HPCAL1: variants seen among roughly 807,000 people sequenced by gnomAD.
HPCAL1 encodes the protein hippocalcin-like protein 1.
Under a neutral mutation model 17.1 loss-of-function variants are expected in HPCAL1, and 8 were observed. The ratio of observed to expected loss-of-function variants is 0.47; its 90% CI spans 0.27 to 0.84. HPCAL1 has a LOEUF of 0.84. Ranked by LOEUF, HPCAL1 falls within the 40% of genes least tolerant of loss-of-function variation. The pLI is 0.13. For synonymous variants in HPCAL1, 112 were observed against 111.4 expected, an observed-to-expected ratio of 1.01 and a Z score of -0.03; for missense variants, 165 against 271.1, an observed-to-expected ratio of 0.61 and a Z score of 2.75.
chr2:10,314,538 A>T, intron 1 of HPCAL1, among the ~76,000 whole-genome samples: 1 of 152,180 alleles, frequency 6.6e-6, no homozygotes. Flanking sequence ...TAGGCTGTAG[A>T]TCGGGGGCCT....
At chr2:10,355,217 C>T (rs1666071290) in intron 1 of HPCAL1, among the ~76,000 whole-genome samples, 3 of 151,760 alleles carry the variant, frequency 2.0e-5, no homozygotes, top group Non-Finnish European at 2.9e-5. Context: ...TTTGGGAGGC[C>T]GAGGCGGGCG....
chr2:10,384,024 C>G lies in HPCAL1; in HGVS notation c.-110-12811C>G, dbSNP rs1490430036. On this transcript the variant is annotated intron_variant, in intron 1 of 4. Transcript: ENST00000307845. This position sits in a 1 kb window ranked among gnomAD's most constrained non-coding sequence, Gnocchi z 4.4. ...CATGCATATACATCGCGTACACACA[C>G]ACACCCACACACACACACACCTTTT... 5.9e-5 allele frequency among the ~76,000 whole-genome samples: 5 copies of G among 84,162 alleles called. No individual in the cohort carries two copies. The highest frequency in any genetic ancestry group is 3.0e-4 in the African/African-American group (5 of 16,794). The allele number at this position is 84,162 out of a possible 152,430, so 55.2% of individuals were successfully genotyped here. A position where few individuals can be genotyped will look rare whatever the true frequency, so the allele number is the denominator to read the frequency against.
chr2:10,397,301 G>A (rs1468290995), intron 2 of HPCAL1, among the ~76,000 whole-genome samples: 2 of 152,094 alleles, frequency 1.3e-5, no homozygotes, highest in Admixed American at 6.6e-5. Context: ...CTTAGTGTCC[G>A]GGTTTCTTTG....
chr2:10,373,945 A>G (rs548905543), intron 1 of HPCAL1, among the ~76,000 whole-genome samples: 4 of 152,262 alleles, frequency 2.6e-5, no homozygotes, highest in Admixed American at 1.3e-4. Context: ...TTTATGATGC[A>G]TTTGGGTCAG....
chr2:10,404,885 C>T (rs1003052686), intron 2 of HPCAL1, among the ~76,000 whole-genome samples: 14 of 152,140 alleles, frequency 9.2e-5, no homozygotes, highest in African/African-American at 3.4e-4. Context: ...GAGAAGGGCT[C>T]GCCAGGCAGT....
At chr2:10,374,238 C>T (rs1216987988) in intron 1 of HPCAL1, among the ~76,000 whole-genome samples, 1 of 151,724 alleles carries the variant, frequency 6.6e-6, no homozygotes. Context: ...GGACAACGGG[C>T]TGCATAAAAC....
At position 10,419,521 on chromosome 2, in the gene HPCAL1, C is replaced by G. The variant is rs550794312; in HGVS notation, c.-24-213C>G. 1.3e-5 allele frequency among the ~76,000 whole-genome samples: 2 copies of G among 151,964 alleles called. No homozygotes were observed. Among genetic ancestry groups the G allele is most frequent in the African/African-American group, 4.8e-5 (2 of 41,368 alleles). On this transcript the variant is annotated intron_variant, in intron 2 of 4. Transcript: ENST00000307845. This position sits in a 1 kb window ranked among gnomAD's most constrained non-coding sequence, Gnocchi z 5.0. ...CACATTCTCCAAGTGAGAACGTGTC[C>G]CGCAGTGTGAGGGTGAGCTGTCGTG... is the stretch of plus-strand genomic sequence containing the variant.
intron 1 of HPCAL1, among the ~76,000 whole-genome samples, chr2:10,335,195 A>T (rs1664643574): frequency 6.6e-6 from 1 of 152,180 alleles, no homozygotes; most frequent in Non-Finnish European, 1.5e-5. Flanking sequence ...CTTGATTCTA[A>T]CAAATAGAAC....
intron 1 of HPCAL1, among the ~76,000 whole-genome samples, chr2:10,341,998 GT>G (rs75605259): frequency 3.2e-3 from 455 of 141,668 alleles, no homozygotes; most frequent in Admixed American, 3.9e-3. Context: ...TCTAGATAAA[GT>G]TTTTTTTTTT....
chr2:10,412,491 C>A (rs1432063055), intron 2 of HPCAL1, among the ~76,000 whole-genome samples: 1 of 152,170 alleles, frequency 6.6e-6, no homozygotes, highest in African/African-American at 2.4e-5. Flanking sequence ...CAGGAAAGGG[C>A]GTGTGCAGCA....
rs1665161194 is a variant in HPCAL1, at chr2:10,342,540, C to A, written c.-111+39363C>A. 1.3e-5 allele frequency among the ~76,000 whole-genome samples: 2 copies of A among 152,192 alleles called. No individual in the cohort carries two copies. The highest frequency in any genetic ancestry group is 4.1e-4 in the South Asian group (2 of 4,828). On this transcript the variant is annotated intron_variant, in intron 1 of 4. Coordinates refer to ENST00000307845, the MANE Select transcript of HPCAL1 (RefSeq NM_002149.4). This position sits in a 1 kb window ranked among gnomAD's most constrained non-coding sequence, Gnocchi z 4.1. ...GGGAGGGGACTCCCAGGGAGCGGGG[C>A]TTGTGCTGGACTTTGCAGGATGCCA...
At chr2:10,381,046 A>T (rs6721291) in intron 1 of HPCAL1, among the ~76,000 whole-genome samples, 94,455 of 152,086 alleles carry the variant, frequency 0.62, 30,508 homozygotes, top group East Asian at 0.81. Context: ...ATGGCCTGGG[A>T]CCTCTGGATC....
chr2:10,422,788 C>G (rs1040545187), intron 3 of HPCAL1, among the ~76,000 whole-genome samples, 195 bp from the exon 4 acceptor site: 4 of 152,366 alleles, frequency 2.6e-5, no homozygotes, highest in Middle Eastern at 3.4e-3. Context: ...CTTCTGCCAG[C>G]TCTGCTCTTG....
chr2:10,399,137 G>A (rs1214457599), intron 2 of HPCAL1, among the ~76,000 whole-genome samples: 1 of 150,970 alleles, frequency 6.6e-6, no homozygotes, highest in African/African-American at 2.4e-5. Context: ...TAGAGGAGGT[G>A]GTCCGAGGTG....
chr2:10,341,759 A>G lies in HPCAL1; in HGVS notation c.-111+38582A>G, dbSNP rs537726444. 2.2e-4 allele frequency among the ~76,000 whole-genome samples: 33 copies of G among 152,282 alleles called. No individual in the cohort carries two copies. The South Asian group carries it at 6.4e-3, about 30-fold the overall frequency. ...CATTGGCTGGGTCCAACGCTTCCCA[A>G]GAGATGTGACTGTCTTAAAAGCAAT... On this transcript the variant is annotated intron_variant, in intron 1 of 4. Transcript: ENST00000307845.
intron 1 of HPCAL1, among the ~76,000 whole-genome samples, chr2:10,305,069 C>A (rs568914009): frequency 2.0e-5 from 3 of 152,188 alleles, no homozygotes; most frequent in African/African-American, 7.2e-5. Flanking sequence ...CAGGGGGATG[C>A]GATGAACTCA....
intron 1 of HPCAL1, among the ~76,000 whole-genome samples, chr2:10,381,978 A>C (rs949917254): frequency 5.9e-5 from 9 of 152,248 alleles, no homozygotes; most frequent in Admixed American, 5.2e-4. Context: ...ATGGGTGTTC[A>C]TAGCGACTTT....
rs70948890 is a variant in HPCAL1, at chr2:10,403,454, TTGTGTGTGTGTGTGTG to T, written c.-25+6569_-25+6584del. On this transcript the variant is annotated intron_variant, in intron 2 of 4. Transcript: ENST00000307845. ...GATGCCCTCATAACAAAGAGTTCTT[TTGTGTGTGTGTGTGTG>T]TGTGTGTGTGTGTGTGTGTGTGTGT... Among the ~76,000 whole-genome samples the T allele has an allele frequency of 1.1e-4, 7 of 65,064 alleles. No homozygotes were observed. The East Asian group carries it at 2.0e-3, about 19-fold the overall frequency. 42.7% of individuals were successfully genotyped at this position (65,064 alleles called of 152,430 possible). A position where few individuals can be genotyped will look rare whatever the true frequency, so the allele number is the denominator to read the frequency against.
At chr2:10,340,777 T>C (rs1665032687) in intron 1 of HPCAL1, among the ~76,000 whole-genome samples, 1 of 152,174 alleles carries the variant, frequency 6.6e-6, no homozygotes, top group African/African-American at 2.4e-5. Context: ...AGTTCCCCCA[T>C]ATCCCTGCCC....
Sources: allele counts gnomAD v4.1 joint callset (sites outside exome capture counted in the v4.1 genomes callset), GRCh38; gene constraint gnomAD v4.1.1; non-coding constraint Gnocchi (gnomAD v3.1); transcripts MANE v1.5; gene names NCBI Gene and HGNC (gene_info 2026-07-23, HGNC 2026-07-21).